Variants in GALNT13 observed in about 807,000 individuals in gnomAD.
GALNT13 encodes the protein UDP-GalNAc:polypeptide N-acetylgalactosaminyltransferase 13.
A neutral mutation model predicts 64.2 loss-of-function variants in GALNT13; 28 were observed. The ratio of observed to expected loss-of-function variants is 0.44; its 90% CI spans 0.32 to 0.60. The LOEUF (loss-of-function observed/expected upper bound fraction) is 0.60, where lower values mean the gene tolerates loss of function less well. Among genes scored for constraint, GALNT13 ranks in the 20% least tolerant of loss-of-function variants. The pLI is 0.05. For synonymous variants in GALNT13, 214 were observed against 224.6 expected, an observed-to-expected ratio of 0.95 and a Z score of 0.42; for missense variants, 577 against 669.8, an observed-to-expected ratio of 0.86 and a Z score of 1.53.
chr2:153,696,981 G>A, the GALNT13 span, among the ~76,000 whole-genome samples: 1 of 152,144 alleles, frequency 6.6e-6, no homozygotes, highest in African/African-American at 2.4e-5. Context: ...AGGAGTCAAA[G>A]CCATTTTCTA....
At chr2:153,255,090 A>T in the GALNT13 span, among the ~76,000 whole-genome samples, 1 of 151,830 alleles carries the variant, frequency 6.6e-6, no homozygotes, top group South Asian at 2.1e-4. Flanking sequence ...CCCATTATTA[A>T]TGTGTGGGAG....
At chr2:154,072,599 C>T (rs540234563) in intron 3 of GALNT13, among the ~76,000 whole-genome samples, 2 of 152,002 alleles carry the variant, frequency 1.3e-5, no homozygotes, top group Non-Finnish European at 2.9e-5. Flanking sequence ...GTCTCCTTTA[C>T]AGTGTGTCAC....
the GALNT13 span, among the ~76,000 whole-genome samples, chr2:153,688,521 C>T: frequency 6.6e-6 from 1 of 152,038 alleles, no homozygotes; most frequent in East Asian, 1.9e-4. Flanking sequence ...TGAAATTTTA[C>T]TTAGTGAACA....
chr2:153,982,389 C>A (rs1237683997), intron 3 of GALNT13, among the ~76,000 whole-genome samples: 1 of 152,036 alleles, frequency 6.6e-6, no homozygotes, highest in East Asian at 1.9e-4. Flanking sequence ...GTATACAAAG[C>A]ATTTTCTACT....
intron 3 of GALNT13, among the ~76,000 whole-genome samples, chr2:154,090,367 A>G (rs1441262230): frequency 6.6e-6 from 1 of 152,030 alleles, no homozygotes; most frequent in African/African-American, 2.4e-5. Flanking sequence ...ATCAGCTTTT[A>G]TTTTATAATA....
chr2:153,117,064 G>A, the GALNT13 span, among the ~76,000 whole-genome samples: 3 of 152,010 alleles, frequency 2.0e-5, no homozygotes, highest in Admixed American at 6.6e-5. Flanking sequence ...CTCCCAAAGT[G>A]CTGGGATTAC....
chr2:153,156,132 C>A, the GALNT13 span, among the ~76,000 whole-genome samples: 1 of 151,998 alleles, frequency 6.6e-6, no homozygotes, highest in Admixed American at 6.6e-5. Context: ...TTGCATTTGC[C>A]AAGGAGTGTT....
At chr2:153,978,814 C>T (rs1382636584) in intron 3 of GALNT13, among the ~76,000 whole-genome samples, 1 of 152,064 alleles carries the variant, frequency 6.6e-6, no homozygotes, top group Non-Finnish European at 1.5e-5. Context: ...CTCACACAGG[C>T]AGTCCCAGCT....
At chr2:153,427,409 T>A in the GALNT13 span, among the ~76,000 whole-genome samples, 451 of 152,046 alleles carry the variant, frequency 3.0e-3, 1 homozygote, top group African/African-American at 0.01. Context: ...AATTTTAAGA[T>A]GAAACTTTTA....
At chr2:153,813,985 T>C in the GALNT13 span, among the ~76,000 whole-genome samples, 1 of 152,170 alleles carries the variant, frequency 6.6e-6, no homozygotes, top group Non-Finnish European at 1.5e-5. Context: ...CTGTAGTGTC[T>C]TATCCTTCAA....
intron 9 of GALNT13, among the ~76,000 whole-genome samples, chr2:154,312,162 ATTTATG>A (rs1342156177): frequency 4.0e-5 from 6 of 151,572 alleles, no homozygotes; most frequent in Non-Finnish European, 1.5e-5. Flanking sequence ...AATCTTTACA[ATTTATG>A]TTTAGAGATT....
chr2:153,429,181 A>G, the GALNT13 span, among the ~76,000 whole-genome samples: 1 of 152,112 alleles, frequency 6.6e-6, no homozygotes, highest in Admixed American at 6.6e-5. Flanking sequence ...AAAAGGTTTA[A>G]CTCATTACTC....
chr2:154,157,117 A>G (rs551367590), intron 4 of GALNT13, among the ~76,000 whole-genome samples: 35 of 152,160 alleles, frequency 2.3e-4, no homozygotes, highest in Non-Finnish European at 4.3e-4. Flanking sequence ...CCTCACACCT[A>G]TAATACTTCC....
chr2:154,298,158 G>A (rs1693040957), intron 8 of GALNT13, among the ~76,000 whole-genome samples: 1 of 151,684 alleles, frequency 6.6e-6, no homozygotes, highest in African/African-American at 2.4e-5. Context: ...TAAATTTAAA[G>A]TAAAAATGGA....
chr2:154,384,512 A>G (rs753031134), intron 9 of GALNT13, among the ~76,000 whole-genome samples: 1 of 152,052 alleles, frequency 6.6e-6, no homozygotes, highest in South Asian at 2.1e-4. Context: ...TGTTTAAACT[A>G]TAATGCAAAA....
chr2:153,622,156 G>A, the GALNT13 span, among the ~76,000 whole-genome samples: 3 of 152,002 alleles, frequency 2.0e-5, no homozygotes, highest in South Asian at 4.1e-4. Context: ...TCATAAATAC[G>A]TAGGTTCTGG....
chr2:153,975,244 T>G (rs1333559659), intron 3 of GALNT13, among the ~76,000 whole-genome samples: 2 of 152,068 alleles, frequency 1.3e-5, no homozygotes, highest in Non-Finnish European at 2.9e-5. Context: ...CTAACAATGA[T>G]TACATGTCAC....
chr2:154,068,281 A>G (rs1700568172), intron 3 of GALNT13, among the ~76,000 whole-genome samples: 1 of 151,998 alleles, frequency 6.6e-6, no homozygotes, highest in South Asian at 2.1e-4. Flanking sequence ...AAATTAATAC[A>G]AGTACTATGG....
chr2:153,402,794 C>G, the GALNT13 span, among the ~76,000 whole-genome samples: 1 of 152,170 alleles, frequency 6.6e-6, no homozygotes, highest in African/African-American at 2.4e-5. Flanking sequence ...CCTTTAAGCA[C>G]TTCTCTGTAT....
Sources: allele counts gnomAD v4.1 joint callset (sites outside exome capture counted in the v4.1 genomes callset), GRCh38; gene constraint gnomAD v4.1.1; transcripts MANE v1.5; gene names NCBI Gene and HGNC (gene_info 2026-07-23, HGNC 2026-07-21).